The following ST7L variants were observed in gnomAD, a reference collection of about 807,000 sequenced individuals.
ST7L encodes suppression of tumorigenicity 7 like.
Under a neutral mutation model 72.5 loss-of-function variants are expected in ST7L, and 57 were observed. That is an observed-to-expected ratio of 0.79 (90% CI 0.64 to 0.98). The LOEUF is 0.98. ST7L is among the 50% of genes least tolerant of loss of function. ST7L has a pLI of 0.00. For missense variants in ST7L, 576 were observed against 672.2 expected (o/e 0.86, Z 1.58); for synonymous variants, 221 against 240.9 (o/e 0.92, Z 0.77).
Position 112,584,114 on chromosome 1 carries a change from T to C in ST7L, c.714A>G (p.Ala238=), listed in dbSNP as rs1446222984. The C allele has an allele frequency of 1.2e-6, 2 of 1,613,406 alleles. No homozygotes were observed. Among genetic ancestry groups the C allele is most frequent in the Non-Finnish European group, 1.7e-6 (2 of 1,179,846 alleles). Residue 238 remains alanine (A), a synonymous_variant, in exon 7 of 15, where the codon GCA becomes GCG. Coordinates refer to ENST00000358039, the MANE Select transcript of ST7L (RefSeq NM_017744.5). The part of the protein sequence containing the change: ...ALELNNDCAT[A]YVLLAEEEAT... ...CTTCTTCCTCAGCCAGTAGAACATA[T>C]GCAGTGGCACAGCTATGAAGAAAGC...
At chr1:112,519,180 T>C (rs1652720698), downstream of ST7L, among the ~76,000 whole-genome samples, 1 of 152,184 alleles carries the variant, frequency 6.6e-6, no homozygotes, top group South Asian at 2.1e-4. Flanking sequence ...ACATTCTGGA[T>C]CCTTTACTCC....
chr1:112,607,748 T>C (rs1014545996), intron 3 of ST7L, among the ~76,000 whole-genome samples: 2 of 151,920 alleles, frequency 1.3e-5, no homozygotes, highest in African/African-American at 4.8e-5. Context: ...TGGACGCCAT[T>C]AGAAGATTTT....
chr1:112,606,060 T>C (rs1418519785), intron 3 of ST7L, among the ~76,000 whole-genome samples: 1 of 152,216 alleles, frequency 6.6e-6, no homozygotes, highest in Non-Finnish European at 1.5e-5. Context: ...TTCAAACTGG[T>C]AGTGTGTTTG....
upstream of ST7L, chr1:112,619,439 C>T: frequency 3.7e-6 from 2 of 543,118 alleles, no homozygotes; most frequent in South Asian, 2.6e-5. Flanking sequence ...AGCCACCGAT[C>T]GTTCCAGCTG....
intron 3 of ST7L, among the ~76,000 whole-genome samples, chr1:112,602,628 T>C (rs1001935992): frequency 5.3e-5 from 8 of 152,322 alleles, no homozygotes; most frequent in Non-Finnish European, 1.2e-4. Flanking sequence ...CTGGCCCCTT[T>C]TGTAATGAAA....
intron 14 of ST7L, among the ~76,000 whole-genome samples, chr1:112,530,572 A>T (rs1654216942): frequency 6.6e-6 from 1 of 151,906 alleles, no homozygotes; most frequent in Non-Finnish European, 1.5e-5. Context: ...CTGCCACCAC[A>T]TCAGGCTAAT....
chr1:112,536,921 G>A (rs1213782780), intron 14 of ST7L, among the ~76,000 whole-genome samples: 1 of 151,884 alleles, frequency 6.6e-6, no homozygotes, highest in African/African-American at 2.4e-5. Context: ...GGGAATCTCT[G>A]ATTCCTACCT....
At chr1:112,585,901 G>C (rs1558022006) in intron 6 of ST7L, among the ~76,000 whole-genome samples, 1 of 152,174 alleles carries the variant, frequency 6.6e-6, no homozygotes, top group African/African-American at 2.4e-5. Flanking sequence ...CAAGAGGAGA[G>C]AAATTATTGA....
chr1:112,601,739 T>C (rs1396078586), intron 3 of ST7L, among the ~76,000 whole-genome samples: 1 of 151,602 alleles, frequency 6.6e-6, no homozygotes, highest in Non-Finnish European at 1.5e-5. Flanking sequence ...TAGGCTAGAG[T>C]ACAGGGTAAG....
At chr1:112,521,164 T>C (rs1652851037), downstream of ST7L, 2 of 153,076 alleles carry the variant, frequency 1.3e-5, no homozygotes, top group South Asian at 4.1e-4. Flanking sequence ...TCAACCTGTA[T>C]TGGACAGCAC....
At chr1:112,550,928 G>T (rs561356129) in intron 12 of ST7L, among the ~76,000 whole-genome samples, 67 of 152,162 alleles carry the variant, frequency 4.4e-4, no homozygotes, top group African/African-American at 1.6e-3. Flanking sequence ...AGATGAGACT[G>T]GCTGGGTCCT....
At position 112,524,612 on chromosome 1, in the gene ST7L, G is replaced by C. The variant is rs1215096430; in HGVS notation, c.*1401C>G. On this transcript the variant is annotated 3_prime_UTR_variant, in exon 15 of 15. Transcript: ENST00000358039. Reference sequence around the variant, plus strand: ...CCTGGTTATTGATGGCCTTGGTGGAGGCCTCTGCCCCGACCCTCCACTTGG... The same window carrying C: ...CCTGGTTATTGATGGCCTTGGTGGACGCCTCTGCCCCGACCCTCCACTTGG... 2 of 152,608 alleles carry C rather than the reference G, an allele frequency of 1.3e-5. No homozygotes were observed. Among genetic ancestry groups the C allele is most frequent in the East Asian group, 3.9e-4 (2 of 5,194 alleles). 9.5% of individuals were successfully genotyped at this position (152,608 alleles called of 1,614,324 possible).
intron 11 of ST7L, among the ~76,000 whole-genome samples, chr1:112,574,178 A>G (rs1200849010): frequency 6.8e-6 from 1 of 146,408 alleles, no homozygotes; most frequent in Admixed American, 6.8e-5. Context: ...CGGCCTCCCA[A>G]AGTGCTGGGA....
intron 4 of ST7L, among the ~76,000 whole-genome samples, chr1:112,600,041 C>T (rs1421800635): frequency 6.6e-6 from 1 of 152,012 alleles, no homozygotes; most frequent in African/African-American, 2.4e-5. Context: ...CCCTGTCTAC[C>T]AAAAATTTTT....
intron 4 of ST7L, among the ~76,000 whole-genome samples, chr1:112,599,076 ATATATATATATATATATATAT>A (rs1666974081): frequency 2.3e-5 from 1 of 42,732 alleles, no homozygotes; most frequent in Admixed American, 3.6e-4. Flanking sequence ...AAAAAAAAAT[ATATATATATATATATATATAT>A]ATATATATAT....
At chr1:112,558,802 C>A (rs1438380236) in intron 11 of ST7L, among the ~76,000 whole-genome samples, 3 of 152,172 alleles carry the variant, frequency 2.0e-5, no homozygotes, top group Non-Finnish European at 4.4e-5. Context: ...CCCCTCTAAT[C>A]CTTGCCCATT....
chr1:112,557,534 A>G (rs1373712138), intron 11 of ST7L, among the ~76,000 whole-genome samples: 1 of 152,238 alleles, frequency 6.6e-6, no homozygotes, highest in Admixed American at 6.5e-5. Flanking sequence ...GCTATTATGA[A>G]TAATGTTGTT....
intron 4 of ST7L, among the ~76,000 whole-genome samples, chr1:112,598,621 G>A (rs183836497): frequency 1.2e-3 from 180 of 150,992 alleles, no homozygotes; most frequent in Non-Finnish European, 2.3e-3. Flanking sequence ...TCAGTAAAAC[G>A]AAAATTAAGG....
In ST7L at chr1:112,601,018, T is replaced by G. The variant is rs1044493690; in HGVS notation, c.452-170A>C. 4.6e-5 allele frequency among the ~76,000 whole-genome samples: 7 copies of G among 152,224 alleles called. No homozygotes were observed. The South Asian group carries it at 8.3e-4, about 18-fold the overall frequency. ...GAATTAAATCTAGTCATTTCCTTAT[T>G]TCTGTCTCCATAGTATTTGGTTCAT... is the stretch of plus-strand genomic sequence containing the variant. On this transcript the variant is annotated intron_variant, in intron 3 of 14. Coordinates refer to ENST00000358039, the MANE Select transcript of ST7L (RefSeq NM_017744.5).
Sources: allele counts gnomAD v4.1 joint callset (sites outside exome capture counted in the v4.1 genomes callset), GRCh38; gene constraint gnomAD v4.1.1; transcripts MANE v1.5; gene names NCBI Gene and HGNC (gene_info 2026-07-23, HGNC 2026-07-21).